Variants in PLEKHA2 observed in about 807,000 individuals in gnomAD.
PLEKHA2 encodes pleckstrin homology domain-containing family A member 2.
Under a neutral mutation model 53.2 loss-of-function variants are expected in PLEKHA2, and 28 were observed. The observed-to-expected ratio is 0.53, with a 90% CI of 0.39 to 0.72. PLEKHA2 has a LOEUF of 0.72. PLEKHA2 is among the 30% of genes least tolerant of loss of function. PLEKHA2 has a pLI of 0.00. For missense variants in PLEKHA2, 426 were observed against 537.9 expected, an observed-to-expected ratio of 0.79 and a Z score of 2.06; for synonymous variants, 193 against 196.4, an observed-to-expected ratio of 0.98 and a Z score of 0.14.
At chr8:38,948,855 A>G (rs1834767395) in intron 5 of PLEKHA2, among the ~76,000 whole-genome samples, 1 of 151,738 alleles carries the variant, frequency 6.6e-6, no homozygotes, top group Non-Finnish European at 1.5e-5. Flanking sequence ...AGTTTAGTAG[A>G]CATTCAGCTG....
At chr8:38,964,672 G>A (rs952301230) in intron 10 of PLEKHA2, among the ~76,000 whole-genome samples, 6 of 151,448 alleles carry the variant, frequency 4.0e-5, no homozygotes, top group South Asian at 2.1e-4. Flanking sequence ...TTACAAAGAC[G>A]TCTGGTAACA....
At chr8:38,953,189 A>T in intron 8 of PLEKHA2, 108 bp from the exon 9 acceptor site, 1 of 898,324 alleles carries the variant, frequency 1.1e-6, no homozygotes, top group Middle Eastern at 2.2e-4. Flanking sequence ...TTATTTGTCA[A>T]CCTGATTTTA....
rs11783916 is a variant in PLEKHA2, at chr8:38,954,853, C to T, written c.773+1486C>T. 9.5e-3 allele frequency among the ~76,000 whole-genome samples: 1,450 copies of T among 152,032 alleles called. 9 individuals are homozygous for T. Among genetic ancestry groups the T allele is most frequent in the South Asian group, 0.02 (98 of 4,812 alleles). The stretch of plus-strand genomic sequence containing the variant: ...TTCCAGACCATCCTGGCCAACATAG[C>T]GAAACCCCTTCTTTACTAAAAATAC... On this transcript the variant is annotated intron_variant, in intron 9 of 11. Coordinates refer to ENST00000617275, the MANE Select transcript of PLEKHA2 (RefSeq NM_021623.2).
intron 1 of PLEKHA2, among the ~76,000 whole-genome samples, chr8:38,913,370 GAAAAAAA>G (rs35218067): frequency 3.0e-5 from 4 of 134,406 alleles, no homozygotes; most frequent in African/African-American, 5.6e-5. Context: ...TCTCAAAAAG[GAAAAAAA>G]AAAAAAAAAG....
chr8:38,970,461 A>G lies in PLEKHA2; in HGVS notation c.*678A>G. ...GCATAGAAACATTGATTTAGATGTT[A>G]TGAGTTGCTGGCCAGAGATTCCTCA... On this transcript the variant is annotated 3_prime_UTR_variant, in exon 12 of 12. Coordinates refer to ENST00000617275, the MANE Select transcript of PLEKHA2 (RefSeq NM_021623.2). The G allele has an allele frequency of 6.3e-6, 1 of 158,880 alleles. No individual in the cohort carries two copies. The highest frequency in any genetic ancestry group is 1.5e-4 in the South Asian group (1 of 6,538). 9.8% of individuals were successfully genotyped at this position (158,880 alleles called of 1,614,324 possible).
intron 4 of PLEKHA2, among the ~76,000 whole-genome samples, chr8:38,944,782 A>G (rs1299269221): frequency 6.6e-6 from 1 of 152,210 alleles, no homozygotes; most frequent in Non-Finnish European, 1.5e-5. Context: ...TTGGGTGGGG[A>G]CAGAGATCCA....
At chr8:38,921,355 G>A (rs1834191156) in intron 2 of PLEKHA2, among the ~76,000 whole-genome samples, 1 of 152,226 alleles carries the variant, frequency 6.6e-6, no homozygotes, top group African/African-American at 2.4e-5. Flanking sequence ...TACCCGAACT[G>A]ACTTGCTTGG....
intron 5 of PLEKHA2, among the ~76,000 whole-genome samples, chr8:38,948,129 G>A (rs910691345): frequency 6.6e-6 from 1 of 151,522 alleles, no homozygotes; most frequent in Non-Finnish European, 1.5e-5. Flanking sequence ...CTTCTTTGCT[G>A]GGTTTCAGGA....
At chr8:38,908,349 G>T (rs553570067) in intron 1 of PLEKHA2, among the ~76,000 whole-genome samples, 1 of 152,336 alleles carries the variant, frequency 6.6e-6, no homozygotes, top group South Asian at 2.1e-4. Context: ...CTGGCTCTTG[G>T]ATGATTGTGA....
intron 6 of PLEKHA2, among the ~76,000 whole-genome samples, chr8:38,951,355 T>C (rs1189608012): frequency 6.6e-6 from 1 of 152,062 alleles, no homozygotes; most frequent in Non-Finnish European, 1.5e-5. Context: ...TCCTTCCCTT[T>C]CTCCTGGGTC....
At chr8:38,901,533 C>G (rs1009699826) in intron 1 of PLEKHA2, 88 bp downstream of exon 1, 1 of 152,016 alleles carries the variant, frequency 6.6e-6, no homozygotes, top group Non-Finnish European at 1.5e-5. Flanking sequence ...AGGGGGCGCC[C>G]CGGCGGAGGC....
At chr8:38,913,836 C>T (rs1833991122) in intron 1 of PLEKHA2, among the ~76,000 whole-genome samples, 2 of 152,212 alleles carry the variant, frequency 1.3e-5, no homozygotes. Context: ...GCGTCTGTTC[C>T]TCATTACTGG....
chr8:38,969,275 T>G, intron 11 of PLEKHA2, 146 bp from the exon 12 acceptor site: 2 of 948,120 alleles, frequency 2.1e-6, no homozygotes, highest in Non-Finnish European at 1.5e-6. Context: ...GTGAATCCTT[T>G]TGACTGTATT....
chr8:38,909,603 C>T (rs1833926757), intron 1 of PLEKHA2, among the ~76,000 whole-genome samples: 2 of 152,130 alleles, frequency 1.3e-5, no homozygotes, highest in Admixed American at 6.6e-5. Context: ...GCTTGAATCT[C>T]CACTGGTGGA....
chr8:38,932,423 G>A (rs1834410796), intron 2 of PLEKHA2, among the ~76,000 whole-genome samples: 1 of 152,196 alleles, frequency 6.6e-6, no homozygotes, highest in African/African-American at 2.4e-5. Flanking sequence ...CAGGCTTCAG[G>A]GAAGAGAGTC....
At chr8:38,957,644 T>C (rs894794928) in intron 10 of PLEKHA2, among the ~76,000 whole-genome samples, 5 of 152,212 alleles carry the variant, frequency 3.3e-5, no homozygotes, top group African/African-American at 1.2e-4. Flanking sequence ...TCTCAGCTGC[T>C]GGGCTCCAGC....
intron 9 of PLEKHA2, among the ~76,000 whole-genome samples, chr8:38,956,849 G>A (rs1260467212): frequency 6.6e-6 from 1 of 152,194 alleles, no homozygotes; most frequent in Non-Finnish European, 1.5e-5. Flanking sequence ...GTGGGTCTGG[G>A]TTTCCTCATC....
chr8:38,965,097 C>T (rs910438005), intron 10 of PLEKHA2, among the ~76,000 whole-genome samples: 15 of 151,692 alleles, frequency 9.9e-5, no homozygotes, highest in African/African-American at 3.6e-4. Context: ...AAAAGGAAAA[C>T]GGGGAAAAAA....
chr8:38,944,229 G>T (rs1834665235), intron 4 of PLEKHA2, among the ~76,000 whole-genome samples: 1 of 151,962 alleles, frequency 6.6e-6, no homozygotes, highest in Non-Finnish European at 1.5e-5. Flanking sequence ...AAGAGAACAG[G>T]TTTGCCCGGG....
Sources: gnomAD v4.1 joint callset for allele counts (sites outside exome capture counted in the v4.1 genomes callset) on GRCh38, gnomAD v4.1.1 for gene constraint, MANE v1.5 for transcripts, NCBI Gene and HGNC (gene_info 2026-07-23, HGNC 2026-07-21) for gene names.